PDE3B: variants seen among roughly 807,000 people sequenced by gnomAD.
PDE3B encodes cGMP-inhibited 3',5'-cyclic phosphodiesterase 3B.
A neutral mutation model predicts 116.8 loss-of-function variants in PDE3B; 66 were observed. The ratio of observed to expected loss-of-function variants is 0.56; its 90% CI spans 0.46 to 0.69. PDE3B has a LOEUF of 0.69. Among genes scored for constraint, PDE3B ranks in the 30% least tolerant of loss-of-function variants. The probability of loss-of-function intolerance (pLI) is 0.00; values close to 1 mark genes in which losing one functional copy is unlikely to be tolerated. For missense variants in PDE3B, 1,384 were observed against 1,368.1 expected, an observed-to-expected ratio of 1.01 and a Z score of -0.18; for synonymous variants, 595 against 533.6, an observed-to-expected ratio of 1.12 and a Z score of -1.59.
chr11:14,716,037 C>G (rs377543240), intron 1 of PDE3B, among the ~76,000 whole-genome samples: 19,989 of 152,090 alleles, frequency 0.13, 1,494 homozygotes, highest in African/African-American at 0.2. Flanking sequence ...GAGTGCCAGA[C>G]AGTGGGCGCA....
At chr11:14,802,062 C>G (rs1371027253) in intron 4 of PDE3B, among the ~76,000 whole-genome samples, 1 of 152,234 alleles carries the variant, frequency 6.6e-6, no homozygotes, top group Non-Finnish European at 1.5e-5. Context: ...TCTTAGTTTG[C>G]TGGGCTCTGT....
intron 1 of PDE3B, among the ~76,000 whole-genome samples, chr11:14,722,249 A>G (rs1157009300): frequency 2.0e-5 from 3 of 152,142 alleles, no homozygotes; most frequent in Non-Finnish European, 4.4e-5. Flanking sequence ...AACATGGCAC[A>G]TGTATACATA....
At chr11:14,740,166 A>G (rs1856721544) in intron 1 of PDE3B, among the ~76,000 whole-genome samples, 1 of 152,174 alleles carries the variant, frequency 6.6e-6, no homozygotes, top group African/African-American at 2.4e-5. Context: ...GAATAGTTTC[A>G]GAAGGAATGG....
In PDE3B at chr11:14,807,693, C is replaced by T. The variant is rs541565496; in HGVS notation, c.1522+3643C>T. On this transcript the variant is annotated intron_variant, in intron 5 of 15. Coordinates refer to ENST00000282096, the MANE Select transcript of PDE3B (RefSeq NM_000922.4). ...GAGGAAGGGATCTGACTAGAGTTGT[C>T]AGTATATTATCTGAAATGTCAAGTT... 2.0e-5 allele frequency among the ~76,000 whole-genome samples: 3 copies of T among 152,138 alleles called. No homozygotes were observed. In the South Asian group the frequency reaches 6.2e-4, roughly 32 times the overall value.
intron 12 of PDE3B, among the ~76,000 whole-genome samples, chr11:14,851,518 G>T (rs2133982903): frequency 6.6e-6 from 1 of 151,792 alleles, no homozygotes; most frequent in East Asian, 1.9e-4. Flanking sequence ...GGGTGTGTGT[G>T]TGTGTGTGTG....
At chr11:14,776,659 A>T (rs958332992) in intron 2 of PDE3B, 7 of 150,520 alleles carry the variant, frequency 4.7e-5, no homozygotes, top group Admixed American at 2.6e-4. Context: ...AATAATAGTA[A>T]TAATAAAAAA....
intron 1 of PDE3B, among the ~76,000 whole-genome samples, chr11:14,746,771 G>A (rs374094373): frequency 6.6e-6 from 1 of 152,206 alleles, no homozygotes; most frequent in Non-Finnish European, 1.5e-5. Context: ...GAAAGCATGA[G>A]TGAGGCTGAA....
At chr11:14,846,805 A>G (rs1401181405) in intron 12 of PDE3B, among the ~76,000 whole-genome samples, 5 of 152,140 alleles carry the variant, frequency 3.3e-5, no homozygotes, top group East Asian at 1.9e-4. Context: ...CTAAATATAT[A>G]TGCACCCAAT....
chr11:14,861,367 G>T lies in PDE3B; in HGVS notation c.2886+1G>T, dbSNP rs1226269533. On this transcript the variant is annotated splice_donor_variant, in intron 14 of 15. Transcript: ENST00000282096. LOFTEE classifies it high-confidence loss of function. ...CATTGTCAATGAATTTTATGAGCAG[G>T]TAAGTTGAAACCTGAGCTTGGTGGG... The T allele has an allele frequency of 2.0e-5, 32 of 1,612,496 alleles. No individual in the cohort carries two copies. The highest frequency in any genetic ancestry group is 2.7e-5 in the Non-Finnish European group (32 of 1,179,020).
chr11:14,792,868 T>C (rs1342320491), intron 4 of PDE3B, among the ~76,000 whole-genome samples: 3 of 152,180 alleles, frequency 2.0e-5, no homozygotes, highest in Non-Finnish European at 2.9e-5. Context: ...TGGAGGTCCT[T>C]CTCCCTTCTC....
intron 5 of PDE3B, among the ~76,000 whole-genome samples, chr11:14,806,634 C>A (rs570454502): frequency 6.6e-6 from 1 of 151,372 alleles, no homozygotes; most frequent in African/African-American, 2.4e-5. Context: ...CCGAGGCGGG[C>A]GGATCACGAG....
intron 12 of PDE3B, among the ~76,000 whole-genome samples, chr11:14,845,734 T>A (rs1847584663): frequency 6.6e-6 from 1 of 151,940 alleles, no homozygotes; most frequent in South Asian, 2.1e-4. Context: ...GAAGAAAGGG[T>A]TTCGGTGATG....
intron 1 of PDE3B, among the ~76,000 whole-genome samples, chr11:14,731,877 T>C (rs1434699652): frequency 2.0e-5 from 3 of 152,116 alleles, no homozygotes; most frequent in Admixed American, 1.3e-4. Context: ...TATACACTTA[T>C]AGAGGGAAGT....
chr11:14,746,747 A>G (rs1290299911), intron 1 of PDE3B, among the ~76,000 whole-genome samples: 1 of 152,240 alleles, frequency 6.6e-6, no homozygotes, highest in Non-Finnish European at 1.5e-5. Flanking sequence ...GAATAGTGGC[A>G]AGAGTATGAC....
Position 14,869,685 on chromosome 11 carries a change from C to T in PDE3B, c.*25C>T. The T allele has an allele frequency of 6.3e-7, 1 of 1,592,942 alleles. No individual in the cohort carries two copies. The highest frequency in any genetic ancestry group is 8.6e-7 in the Non-Finnish European group (1 of 1,163,798). ...GCGACAGTTTGAGTAAAAGAAAAGT[C>T]ATATTGAAGAAGCCCAGAGGGTTGT... is the stretch of plus-strand genomic sequence containing the variant. On this transcript the variant is annotated 3_prime_UTR_variant, in exon 16 of 16. Transcript: ENST00000282096.
At chr11:14,828,578 A>G (rs1859774100) in intron 7 of PDE3B, among the ~76,000 whole-genome samples, 2 of 152,254 alleles carry the variant, frequency 1.3e-5, no homozygotes, top group Non-Finnish European at 2.9e-5. Context: ...ATCACTGATC[A>G]TTAGCGAAAT....
intron 1 of PDE3B, chr11:14,673,846 A>AT: frequency 2.4e-6 from 3 of 1,254,184 alleles, no homozygotes; most frequent in Non-Finnish European, 3.5e-6. Context: ...GGTCTCTCAA[A>AT]TTTGTAGAGT....
intron 5 of PDE3B, among the ~76,000 whole-genome samples, chr11:14,804,527 CAT>C (rs1268029860): frequency 6.6e-6 from 1 of 151,828 alleles, no homozygotes; most frequent in African/African-American, 2.4e-5. Flanking sequence ...ATAAATACAA[CAT>C]AGGAATAGCA....
intron 1 of PDE3B, among the ~76,000 whole-genome samples, chr11:14,725,945 T>C (rs1043558885): frequency 6.6e-6 from 1 of 152,102 alleles, no homozygotes; most frequent in Non-Finnish European, 1.5e-5. Context: ...AATAATGCTC[T>C]ATATGATCTA....
Sources: gnomAD v4.1 joint callset for allele counts (sites outside exome capture counted in the v4.1 genomes callset) on GRCh38, gnomAD v4.1.1 for gene constraint, MANE v1.5 for transcripts, NCBI Gene and HGNC (gene_info 2026-07-23, HGNC 2026-07-21) for gene names.